Variants in PLXNC1 observed in about 807,000 individuals in gnomAD.
PLXNC1 encodes plexin-C1.
PLXNC1 carries 75 observed loss-of-function variants against 178.2 expected under a neutral mutation model. The ratio of observed to expected loss-of-function variants is 0.42; its 90% CI spans 0.35 to 0.51. The LOEUF is 0.51. Among genes scored for constraint, PLXNC1 ranks in the 20% least tolerant of loss-of-function variants. The probability of loss-of-function intolerance (pLI) is 0.02; values close to 1 mark genes in which losing one functional copy is unlikely to be tolerated. For missense variants in PLXNC1, 1,503 were observed against 1,984.4 expected (o/e 0.76, Z 4.61); for synonymous variants, 790 against 779.9 (o/e 1.01, Z -0.22).
At chr12:94,223,311 A>G (rs976087949) in intron 6 of PLXNC1, among the ~76,000 whole-genome samples, 2 of 152,228 alleles carry the variant, frequency 1.3e-5, no homozygotes, top group Non-Finnish European at 2.9e-5. Context: ...TTAATTCACC[A>G]AAGGAAAAAG....
chr12:94,195,690 C>A (rs1213731395), intron 4 of PLXNC1, among the ~76,000 whole-genome samples: 1 of 152,200 alleles, frequency 6.6e-6, no homozygotes, highest in Non-Finnish European at 1.5e-5. Flanking sequence ...CTTCAAGCAG[C>A]CCCTGGTGGC....
intron 5 of PLXNC1, among the ~76,000 whole-genome samples, chr12:94,214,679 A>T (rs1963592962): frequency 6.6e-6 from 1 of 152,248 alleles, no homozygotes; most frequent in Non-Finnish European, 1.5e-5. Context: ...TAAATAAAAC[A>T]AACTTTTAAC....
chr12:94,188,965 T>C (rs1592747618), intron 4 of PLXNC1, among the ~76,000 whole-genome samples: 1 of 147,614 alleles, frequency 6.8e-6, no homozygotes, highest in East Asian at 2.0e-4. Context: ...CACTGGAGGT[T>C]TGAGGAGAAA....
At chr12:94,235,272 G>A (rs1240392709) in intron 9 of PLXNC1, among the ~76,000 whole-genome samples, 5 of 152,178 alleles carry the variant, frequency 3.3e-5, no homozygotes, top group Non-Finnish European at 5.9e-5. Flanking sequence ...ATAAGATGAT[G>A]TGGCAAGTCC....
chr12:94,278,045 C>G (rs545426639), intron 21 of PLXNC1: 1 of 456,066 alleles, frequency 2.2e-6, no homozygotes, highest in Non-Finnish European at 4.4e-6. Flanking sequence ...CCTCCTCTTT[C>G]GGCTTTGGAG....
At chr12:94,278,123 T>G (rs1592887200) in intron 21 of PLXNC1, 1 of 437,882 alleles carries the variant, frequency 2.3e-6, no homozygotes. Flanking sequence ...TTCTTGCCTG[T>G]TAGACTCTCC....
chr12:94,208,669 A>G (rs144212720), intron 4 of PLXNC1, among the ~76,000 whole-genome samples: 1 of 152,350 alleles, frequency 6.6e-6, no homozygotes, highest in Non-Finnish European at 1.5e-5. Flanking sequence ...GAGGAGGTGT[A>G]GTACTAGAAA....
At chr12:94,192,415 A>G (rs1301768410) in intron 4 of PLXNC1, among the ~76,000 whole-genome samples, 1 of 151,642 alleles carries the variant, frequency 6.6e-6, no homozygotes, top group Admixed American at 6.6e-5. Flanking sequence ...AGAGCTTGCA[A>G]TCTAATGGGG....
At chr12:94,239,685 G>T in intron 10 of PLXNC1, among the ~76,000 whole-genome samples, 1 of 152,236 alleles carries the variant, frequency 6.6e-6, no homozygotes, top group East Asian at 1.9e-4. Context: ...GTCGGAGAAA[G>T]CTTCGCTCTG....
At position 94,297,306 on chromosome 12, in the gene PLXNC1, T is replaced by G. The variant is rs372528112; in HGVS notation, c.3967-10T>G. The G allele has an allele frequency of 8.7e-6, 14 of 1,613,138 alleles. No individual in the cohort carries two copies. Among genetic ancestry groups the G allele is most frequent in the African/African-American group, 2.7e-5 (2 of 74,908 alleles). ...CTCCTTGGGTAACGCTTCTGCTGTC[T>G]TCCCTTCAGATTTTACCAGATTCGG... On this transcript the variant is annotated splice_polypyrimidine_tract_variant and intron_variant, in intron 25 of 30. Coordinates refer to ENST00000258526, the MANE Select transcript of PLXNC1 (RefSeq NM_005761.3).
chr12:94,225,058 C>G (rs553357952), intron 7 of PLXNC1, among the ~76,000 whole-genome samples: 7 of 152,298 alleles, frequency 4.6e-5, no homozygotes, highest in Admixed American at 2.6e-4. Context: ...CCTGCTGCCC[C>G]CCTTTTCACC....
At chr12:94,155,079 G>A (rs151165254) in intron 1 of PLXNC1, among the ~76,000 whole-genome samples, 13 of 152,220 alleles carry the variant, frequency 8.5e-5, no homozygotes, top group African/African-American at 3.1e-4. Flanking sequence ...AGGTTACATG[G>A]TGTCCTTTAC....
At chr12:94,210,993 G>T (rs11107441) in intron 5 of PLXNC1, among the ~76,000 whole-genome samples, 31,159 of 152,126 alleles carry the variant, frequency 0.2, 3,327 homozygotes, top group Middle Eastern at 0.26. Flanking sequence ...AATTCTGGAA[G>T]ATTTTTTTTC....
chr12:94,182,526 C>T (rs75394285), intron 3 of PLXNC1, among the ~76,000 whole-genome samples: 12,668 of 150,922 alleles, frequency 0.084, 705 homozygotes, highest in African/African-American at 0.15. Context: ...ACGTTCAAGA[C>T]CAGCCTGGGC....
intron 17 of PLXNC1, among the ~76,000 whole-genome samples, chr12:94,257,226 G>A (rs1017615170): frequency 5.3e-5 from 8 of 152,152 alleles, no homozygotes; most frequent in African/African-American, 9.7e-5. Flanking sequence ...GGAGGTTGGG[G>A]GCTGTGGGGG....
At chr12:94,233,066 C>T (rs1204825562) in intron 9 of PLXNC1, among the ~76,000 whole-genome samples, 1 of 152,194 alleles carries the variant, frequency 6.6e-6, no homozygotes, top group Non-Finnish European at 1.5e-5. Context: ...TGCCCCCGAT[C>T]CATGCCACAC....
chr12:94,274,155 T>TAA (rs3060881), intron 21 of PLXNC1, among the ~76,000 whole-genome samples: 6,110 of 45,278 alleles, frequency 0.13, 533 homozygotes, highest in Non-Finnish European at 0.15. Flanking sequence ...ACCCTGTCTC[T>TAA]AAAAAAAAAA....
intron 1 of PLXNC1, among the ~76,000 whole-genome samples, chr12:94,163,612 G>A (rs1392115350): frequency 6.6e-6 from 1 of 152,076 alleles, no homozygotes; most frequent in Non-Finnish European, 1.5e-5. Flanking sequence ...CCCGTCGAGG[G>A]AGGGGAGAGG....
At chr12:94,266,584 C>T (rs993655795) in intron 21 of PLXNC1, among the ~76,000 whole-genome samples, 1 of 152,188 alleles carries the variant, frequency 6.6e-6, no homozygotes, top group African/African-American at 2.4e-5. Flanking sequence ...TGCTGCTTAA[C>T]AACTGTTGGT....
Sources: allele counts gnomAD v4.1 joint callset (sites outside exome capture counted in the v4.1 genomes callset), GRCh38; gene constraint gnomAD v4.1.1; transcripts MANE v1.5; gene names NCBI Gene and HGNC (gene_info 2026-07-23, HGNC 2026-07-21).